MARF1: variants seen among roughly 807,000 people sequenced by gnomAD.
MARF1 encodes the protein meiosis regulator and mRNA stability factor 1.
MARF1 carries 24 observed loss-of-function variants against 168.2 expected under a neutral mutation model. That is an observed-to-expected ratio of 0.14 (90% CI 0.10 to 0.20). The LOEUF (loss-of-function observed/expected upper bound fraction) is 0.20. Ranked by LOEUF, MARF1 falls within the 10% of genes least tolerant of loss-of-function variation. The pLI is 1.00. For synonymous variants in MARF1, 868 were observed against 822.4 expected, an observed-to-expected ratio of 1.06 and a Z score of -0.95; for missense variants, 1,744 against 2,143.6, an observed-to-expected ratio of 0.81 and a Z score of 3.68.
intron 23 of MARF1, 43 bp downstream of exon 23, chr16:15,601,948 C>T (rs376778559): frequency 4.8e-5 from 72 of 1,499,662 alleles, no homozygotes; most frequent in Non-Finnish European, 6.0e-5. Context: ...TAGCCTGTGG[C>T]TGTTCAGAAG....
intron 11 of MARF1, among the ~76,000 whole-genome samples, chr16:15,622,564 T>G (rs2034540913): frequency 6.6e-6 from 1 of 152,114 alleles, no homozygotes. Flanking sequence ...GCTAATTTTT[T>G]TTTAGTAGAG....
rs370742658 is a variant in MARF1, at chr16:15,625,497, T to G, written c.1828A>C (p.Asn610His). Residue 610 changes from asparagine to histidine, a missense_variant, in exon 8 of 27, where the codon AAT becomes CAT. Coordinates refer to ENST00000396368, the MANE Select transcript of MARF1 (RefSeq NM_014647.4). ...DKVKSPKKLKNPKLCLIKDAS... is the reference protein window; with the variant it reads ...DKVKSPKKLKHPKLCLIKDAS... ...TCTTTGATGAGGCACAATTTTGGAT[T>G]CTTAAGTTTTTTGGGAGACTTCACT... 1.2e-5 allele frequency: 19 copies of G among 1,614,230 alleles called. No individual in the cohort carries two copies. The African/African-American group carries it at 2.5e-4, about 22-fold the overall frequency.
At chr16:15,631,911 T>A (rs575903362) in intron 5 of MARF1, among the ~76,000 whole-genome samples, 1 of 152,222 alleles carries the variant, frequency 6.6e-6, no homozygotes, top group South Asian at 2.1e-4. Context: ...TCCATGTCCC[T>A]GCAAAGGACA....
intron 13 of MARF1, among the ~76,000 whole-genome samples, chr16:15,619,486 A>G (rs753343793): frequency 5.9e-5 from 9 of 152,148 alleles, no homozygotes; most frequent in Non-Finnish European, 1.2e-4. Flanking sequence ...TTCCTGCAGC[A>G]TGATTCCCAT....
chr16:15,641,800 T>C (rs2035987325), intron 1 of MARF1, among the ~76,000 whole-genome samples: 1 of 152,234 alleles, frequency 6.6e-6, no homozygotes, highest in African/African-American at 2.4e-5. Context: ...CCTTCAATAC[T>C]GCTCAATACA....
In MARF1 at chr16:15,609,248, AAAAC is replaced by A. The variant is rs201757520; in HGVS notation, c.3954+271_3954+274del. On this transcript the variant is annotated intron_variant, in intron 20 of 26. Coordinates refer to ENST00000396368, the MANE Select transcript of MARF1 (RefSeq NM_014647.4). ...GAAAGAAACTCCGTCTCAAAAAACAAAAACAAACAAACAAAAAAAAGAAAACCTA... is the reference window on the plus strand; with the variant it reads ...GAAAGAAACTCCGTCTCAAAAAACAAAAACAAACAAAAAAAAGAAAACCTA... Among the ~76,000 whole-genome samples, 1,159 of 152,326 alleles carry A rather than the reference AAAAC, an allele frequency of 7.6e-3. 13 individuals carry two copies. The highest frequency in any genetic ancestry group is 0.025 in the African/African-American group (1,054 of 41,562).
At chr16:15,637,948 C>T (rs1354977646) in intron 2 of MARF1, among the ~76,000 whole-genome samples, 2 of 151,976 alleles carry the variant, frequency 1.3e-5, no homozygotes, top group Non-Finnish European at 2.9e-5. Context: ...GGGTGGATCA[C>T]CTAAGGTCAG....
In MARF1 at chr16:15,602,045, C is replaced by T; in HGVS notation, c.4572G>A (p.Gln1524=). ...CGCTGCTGTGGCCGTAGGTCTTGGGCTGCAGAGTTTCTCCGACATACTTGG... is the reference window on the plus strand; with the variant it reads ...CGCTGCTGTGGCCGTAGGTCTTGGGTTGCAGAGTTTCTCCGACATACTTGG... ...AYTKYVGETL[Q]PKTYGHSSVE... is the part of the protein sequence containing the mutation. The change falls in exon 23 of 27, where the codon CAG becomes CAA. Residue 1524 remains glutamine, a synonymous_variant. Transcript: ENST00000396368. 1 of 1,614,186 alleles carries T rather than the reference C, an allele frequency of 6.2e-7. No individual in the cohort carries two copies. Among genetic ancestry groups the T allele is most frequent in the Admixed American group, 1.7e-5 (1 of 60,034 alleles).
rs2031652254 is a variant in MARF1 at position 15,596,104 on chromosome 16, C to G, written c.*589G>C. 1 of 152,634 alleles carries G rather than the reference C, an allele frequency of 6.6e-6. No homozygotes were observed. Among genetic ancestry groups the G allele is most frequent in the Non-Finnish European group, 1.5e-5 (1 of 68,040 alleles). The allele number at this position is 152,634 out of a possible 1,614,324, so 9.5% of individuals were successfully genotyped here. A position where few individuals can be genotyped will look rare whatever the true frequency, so the allele number is the denominator to read the frequency against. On this transcript the variant is annotated 3_prime_UTR_variant, in exon 27 of 27. Coordinates refer to ENST00000396368, the MANE Select transcript of MARF1 (RefSeq NM_014647.4). ...CTACAGACATAGTTTAAATAAAAAA[C>G]AAGGCACACTTACAAGTCACATGGA...
At chr16:15,629,330 A>C (rs2035089161) in intron 7 of MARF1, among the ~76,000 whole-genome samples, 1 of 152,140 alleles carries the variant, frequency 6.6e-6, no homozygotes, top group African/African-American at 2.4e-5. Context: ...CACAACTCTC[A>C]ACTGTCCATA....
chr16:15,613,689 A>AAATAAATAAATAAAATAAAT (rs10657514), intron 16 of MARF1, among the ~76,000 whole-genome samples: 32 of 63,944 alleles, frequency 5.0e-4, no homozygotes, highest in African/African-American at 2.8e-3. Flanking sequence ...ATAAATAAAT[A>AAATAAATAAATAAAATAAAT]AAATAAAATA....
Position 15,630,442 on chromosome 16 carries a change from A to T in MARF1, c.1414T>A (p.Leu472Met). 1 of 1,614,116 alleles carries T rather than the reference A, an allele frequency of 6.2e-7. No homozygotes were observed. Among genetic ancestry groups the T allele is most frequent in the Non-Finnish European group, 8.5e-7 (1 of 1,180,006 alleles). ...TCTGAGGCCTGGTTTTTATGGACCA[A>T]AATAATGTGGAAACCATGCCTGTGT... Reference protein sequence around the residue: ...LRHRHGFHIILVHKNQASEAL... With the variant: ...LRHRHGFHIIMVHKNQASEAL... The change falls in exon 7 of 27, where the codon TTG (leucine) becomes ATG (methionine). Residue 472 changes from leucine (L) to methionine (M), a missense_variant. By Grantham distance (15) the Leu-to-Met change is conservative. Transcript: ENST00000396368.
At chr16:15,608,584 A>T (rs1388589235) in intron 20 of MARF1, 66 bp from the exon 21 acceptor site, 1 of 1,143,000 alleles carries the variant, frequency 8.7e-7, no homozygotes, top group Non-Finnish European at 1.3e-6. Flanking sequence ...AGAATAGCAA[A>T]AAAAGTATGC....
chr16:15,604,183 C>G lies in MARF1; in HGVS notation c.4398G>C (p.Leu1466=). 6.2e-7 allele frequency: 1 copy of G among 1,613,214 alleles called. No individual in the cohort carries two copies. Among genetic ancestry groups the G allele is most frequent in the East Asian group, 2.2e-5 (1 of 44,886 alleles). The change falls in exon 22 of 27, where the codon CTG becomes CTC. Residue 1466 remains leucine (L), a synonymous_variant. Transcript: ENST00000396368. ...ACGTGCCTACCTCAACCAAGTATGG[C>G]AGGCTCTTCAGCAGTTCGGTCAAGG... The part of the protein sequence containing the change: ...FMTLTELLKS[L]PYLVEVFTND...
chr16:15,625,200 T>C lies in MARF1; in HGVS notation c.1954-27A>G, dbSNP rs372508691. The C allele has an allele frequency of 3.7e-6, 6 of 1,606,680 alleles. No homozygotes were observed. In the African/African-American group the frequency reaches 8.0e-5, roughly 22 times the overall value. Reference sequence around the variant, plus strand: ...TTCAAAGACACAAGCACAGTGGGGTTTAAATTTTAAGTACCCAAGATGTGT... The same window carrying C: ...TTCAAAGACACAAGCACAGTGGGGTCTAAATTTTAAGTACCCAAGATGTGT... On this transcript the variant is annotated intron_variant, in intron 8 of 26. Transcript: ENST00000396368.
At chr16:15,600,220 T>C (rs748070624) in intron 25 of MARF1, among the ~76,000 whole-genome samples, 10 of 152,314 alleles carry the variant, frequency 6.6e-5, no homozygotes, top group Middle Eastern at 3.4e-3. Context: ...TCAGGGACTT[T>C]AACCAGTCAA....
intron 15 of MARF1, among the ~76,000 whole-genome samples, chr16:15,616,314 T>C (rs2034039987): frequency 6.6e-6 from 1 of 152,206 alleles, no homozygotes; most frequent in Admixed American, 6.5e-5. Context: ...CACTGAGTCC[T>C]GTGTTGGCCT....
At chr16:15,619,509 C>T (rs2151173146) in intron 13 of MARF1, among the ~76,000 whole-genome samples, 1 of 152,274 alleles carries the variant, frequency 6.6e-6, no homozygotes, top group Non-Finnish European at 1.5e-5. Context: ...CCACACCTTT[C>T]CCCTCCCCTC....
rs746958278 is a variant in MARF1 at position 15,634,938 on chromosome 16, T to C, written c.832-7A>G. On this transcript the variant is annotated splice_polypyrimidine_tract_variant and splice_region_variant and intron_variant, in intron 3 of 26. Coordinates refer to ENST00000396368, the MANE Select transcript of MARF1 (RefSeq NM_014647.4). The stretch of plus-strand genomic sequence containing the variant: ...TTATGCTATTTCTTGCTGGCTGTTT[T>C]AAATTTTTTTTAAAAAGGAGGAGGT... 3.1e-6 allele frequency: 5 copies of C among 1,609,640 alleles called. No homozygotes were observed. The highest frequency in any genetic ancestry group is 2.7e-5 in the African/African-American group (2 of 74,628).
Sources: allele counts gnomAD v4.1 joint callset (sites outside exome capture counted in the v4.1 genomes callset), GRCh38; gene constraint gnomAD v4.1.1; transcripts MANE v1.5; gene names NCBI Gene and HGNC (gene_info 2026-07-23, HGNC 2026-07-21).